The following C4orf50 variants were observed in gnomAD, a reference collection of about 807,000 sequenced individuals.
C4orf50 encodes the protein uncharacterized protein C4orf50.
In C4orf50, 80 loss-of-function variants were observed where a neutral mutation model predicts 77.2. The observed-to-expected ratio is 1.04, with a 90% confidence interval of 0.87 to 1.25. The LOEUF (loss-of-function observed/expected upper bound fraction) is 1.25, where lower values mean the gene tolerates loss of function less well. Ranked by LOEUF, C4orf50 falls within the 50% of genes most tolerant of loss-of-function variation. The pLI, the probability that C4orf50 is intolerant of heterozygous loss-of-function variation, is 0.00. For missense variants in C4orf50, 1,257 were observed against 1,152.9 expected (o/e 1.09, Z -1.31); for synonymous variants, 532 against 465.3 (o/e 1.14, Z -1.84).
chr4:5,994,562 G>A (rs1721474571), intron 25 of C4orf50, 86 bp from the exon 4 acceptor site: 1 of 398,324 alleles, frequency 2.5e-6, no homozygotes, highest in South Asian at 1.3e-4. Flanking sequence ...CCCCTCCCCA[G>A]AAGGGAGCTT....
At chr4:5,920,172 C>T (rs1295528545) in intron 7 of C4orf50, among the ~76,000 whole-genome samples, 1 of 152,328 alleles carries the variant, frequency 6.6e-6, no homozygotes, top group Non-Finnish European at 1.5e-5. Flanking sequence ...CAATGCTGCA[C>T]AGATACCGGG....
rs773471909 is a variant in C4orf50 at position 6,009,721 on chromosome 4, G to A, written c.427-1189C>T. Among the ~76,000 whole-genome samples, 4 of 152,214 alleles carry A rather than the reference G, an allele frequency of 2.6e-5. No homozygotes were observed. The highest frequency in any genetic ancestry group is 4.4e-5 in the Non-Finnish European group (3 of 68,046). ...AAACTGCCATTTGGTACATACAGGT[G>A]CAAAGGGCATGGAAAACTCGCTCAA... is the stretch of plus-strand genomic sequence containing the variant. On this transcript the variant is annotated intron_variant, in intron 24 of 33. Coordinates refer to ENST00000531445, the Ensembl canonical transcript of C4orf50. This position sits in a 1 kb window ranked among gnomAD's most constrained non-coding sequence, Gnocchi z 5.6.
intron 31 of C4orf50, 151 bp downstream of exon 9, chr4:5,973,508 C>T: frequency 1.4e-6 from 1 of 691,008 alleles, no homozygotes. Context: ...GGCATGGGCA[C>T]AGAGGAAAAG....
At chr4:6,001,919 T>C (rs1379965758) in intron 25 of C4orf50, among the ~76,000 whole-genome samples, 2 of 152,134 alleles carry the variant, frequency 1.3e-5, no homozygotes, top group African/African-American at 4.8e-5. Flanking sequence ...CTGACAGCCA[T>C]GCATGTGAGG....
At chr4:5,921,857 A>G (rs1475109702) in intron 7 of C4orf50, among the ~76,000 whole-genome samples, 1 of 152,186 alleles carries the variant, frequency 6.6e-6, no homozygotes, top group Non-Finnish European at 1.5e-5. Context: ...AAATGGGGCC[A>G]GGGAAAGCTG....
intron 29 of C4orf50, among the ~76,000 whole-genome samples, chr4:5,976,349 A>T (rs574502039): frequency 6.6e-6 from 1 of 150,974 alleles, no homozygotes; most frequent in Non-Finnish European, 1.5e-5. Flanking sequence ...CCAGCTACTC[A>T]GGAGGCTGAG....
intron 23 of C4orf50, among the ~76,000 whole-genome samples, chr4:6,013,170 G>T: frequency 6.6e-6 from 1 of 152,058 alleles, no homozygotes; most frequent in East Asian, 1.9e-4. Context: ...TAATGATAAG[G>T]CCAAGAGTCC....
Position 6,017,345 on chromosome 4 carries a change from C to G in C4orf50, c.287+800G>C, listed in dbSNP as rs866339201. 6.6e-6 allele frequency among the ~76,000 whole-genome samples: 1 copy of G among 152,150 alleles called. No homozygotes were observed. The highest frequency in any genetic ancestry group is 1.5e-5 in the Non-Finnish European group (1 of 68,036). On this transcript the variant is annotated intron_variant, in intron 23 of 33. Transcript: ENST00000531445. This position sits in a 1 kb window ranked among gnomAD's most constrained non-coding sequence, Gnocchi z 4.7. Reference sequence around the variant, plus strand: ...CAGGCCACCCAGCGGGAGCTGGGACCGCAGAGGAAGCCGAGAGCACATCTG... The same window carrying G: ...CAGGCCACCCAGCGGGAGCTGGGACGGCAGAGGAAGCCGAGAGCACATCTG...
chr4:5,997,312 C>A (rs1721638348), intron 25 of C4orf50, among the ~76,000 whole-genome samples: 1 of 152,216 alleles, frequency 6.6e-6, no homozygotes, highest in South Asian at 2.1e-4. Flanking sequence ...TGTTCTGGAG[C>A]TGGTGACACG....
At chr4:5,948,337 T>C (rs1718569770) in intron 7 of C4orf50, among the ~76,000 whole-genome samples, 1 of 152,122 alleles carries the variant, frequency 6.6e-6, no homozygotes, top group African/African-American at 2.4e-5. Flanking sequence ...ATGATCTAGG[T>C]ATTGGGCATT....
At chr4:5,934,946 C>T (rs1717942549) in intron 7 of C4orf50, among the ~76,000 whole-genome samples, 1 of 152,164 alleles carries the variant, frequency 6.6e-6, no homozygotes, top group Admixed American at 6.5e-5. Flanking sequence ...CTGGGTGACC[C>T]CAAGCAAGTT....
At chr4:5,936,705 G>T (rs1409828307) in intron 7 of C4orf50, among the ~76,000 whole-genome samples, 2 of 151,832 alleles carry the variant, frequency 1.3e-5, no homozygotes, top group African/African-American at 2.4e-5. Context: ...GGGGTTGAAG[G>T]TGTAATATTC....
At chr4:5,918,007 T>C (rs553853033) in intron 7 of C4orf50, among the ~76,000 whole-genome samples, 1 of 152,164 alleles carries the variant, frequency 6.6e-6, no homozygotes, top group South Asian at 2.1e-4. Context: ...GAAAAATGAT[T>C]CTAGGGCCCC....
At chr4:5,925,315 C>T (rs1185237166) in intron 7 of C4orf50, among the ~76,000 whole-genome samples, 1 of 152,078 alleles carries the variant, frequency 6.6e-6, no homozygotes, top group Non-Finnish European at 1.5e-5. Context: ...GTTGGGGGAC[C>T]CCCAGGCCGC....
exon 28 of C4orf50, chr4:5,988,733 A>C (rs1439498698): frequency 6.5e-7 from 1 of 1,536,068 alleles, no homozygotes; most frequent in South Asian, 1.2e-5. Flanking sequence ...CTCCTCTGCA[A>C]GGTGACTTCC....
At chr4:5,968,995 T>TA (rs1460097684) in intron 31 of C4orf50, among the ~76,000 whole-genome samples, 5 of 152,192 alleles carry the variant, frequency 3.3e-5, no homozygotes, top group Non-Finnish European at 5.9e-5. Flanking sequence ...GTCCTGCCTC[T>TA]GCCACTCACT....
At chr4:5,976,852 C>T (rs1361400604) in intron 29 of C4orf50, among the ~76,000 whole-genome samples, 3 of 152,206 alleles carry the variant, frequency 2.0e-5, no homozygotes, top group Non-Finnish European at 2.9e-5. Flanking sequence ...TGAGACTGCT[C>T]CCCATGGAGG....
At chr4:5,975,139 CAAAAAAAAAAAAAAAAAAAAAAAAA>C in intron 30 of C4orf50, among the ~76,000 whole-genome samples, 1 of 82,868 alleles carries the variant, frequency 1.2e-5, no homozygotes, top group South Asian at 4.3e-4. Context: ...CACTCCATCT[CAAAAAAAAAAAAAAAAAAAAAAAAA>C]AAAAAAAAAA....
At chr4:5,931,037 G>A (rs1717746136) in intron 7 of C4orf50, among the ~76,000 whole-genome samples, 1 of 152,188 alleles carries the variant, frequency 6.6e-6, no homozygotes, top group Non-Finnish European at 1.5e-5. Context: ...ACATGAAAGT[G>A]GGAGAGCCTA....
Sources: gnomAD v4.1 joint callset for allele counts (sites outside exome capture counted in the v4.1 genomes callset) on GRCh38, gnomAD v4.1.1 for gene constraint, Gnocchi (gnomAD v3.1) non-coding constraint, MANE v1.5 for transcripts, NCBI Gene and HGNC (gene_info 2026-07-23, HGNC 2026-07-21) for gene names.